ID4: variants seen among roughly 807,000 people sequenced by gnomAD.
The protein encoded by ID4 is inhibitor of DNA binding 4.
ID4 carries 9 observed loss-of-function variants against 8.6 expected under a neutral mutation model. The ratio of observed to expected loss-of-function variants is 1.04; its 90% CI spans 0.63 to 1.82. The LOEUF (loss-of-function observed/expected upper bound fraction) is 1.82. Ranked by LOEUF, ID4 falls within the 40% of genes most tolerant of loss-of-function variation. The pLI is 0.00. For synonymous variants in ID4, 180 were observed against 118.0 expected (o/e 1.53, Z -3.41); for missense variants, 270 against 235.1 (o/e 1.15, Z -0.97).
At chr6:19,838,775 C>T (rs530467152) in intron 2 of ID4, 133 bp downstream of exon 2, 9 of 703,740 alleles carry the variant, frequency 1.3e-5, no homozygotes, top group African/African-American at 1.8e-5. Context: ...AGTAAATCCC[C>T]TCTCTCCCTG....
In ID4 at chr6:19,837,615, C is replaced by T. The variant is rs1188115184; in HGVS notation, c.-140C>T. ...AGCGACCCTCCCGTCAATTGTTGGG[C>T]TCGGGAGTGTCGCGGTGCCCCGAGC... On this transcript the variant is annotated 5_prime_UTR_variant, in exon 1 of 3. Coordinates refer to ENST00000378700, the MANE Select transcript of ID4 (RefSeq NM_001546.4). 4.8e-6 allele frequency: 2 copies of T among 414,022 alleles called. No individual in the cohort carries two copies. Among genetic ancestry groups the T allele is most frequent in the East Asian group, 8.6e-5 (1 of 11,686 alleles). 25.6% of individuals were successfully genotyped at this position (414,022 alleles called of 1,614,324 possible).
chr6:19,840,138 G>A lies in ID4; in HGVS notation c.*943G>A, dbSNP rs577048984. The A allele has an allele frequency of 6.6e-6, 1 of 152,464 alleles. No homozygotes were observed. Among genetic ancestry groups the A allele is most frequent in the Admixed American group, 6.5e-5 (1 of 15,268 alleles). The allele number at this position is 152,464 out of a possible 1,614,324, so 9.4% of individuals were successfully genotyped here. ...ACACCTTATCAGTTTTTAAGTACAG[G>A]GTTTTATAGTGTAATATATACAGAG... On this transcript the variant is annotated 3_prime_UTR_variant, in exon 3 of 3. Transcript: ENST00000378700.
chr6:19,838,867 C>G, intron 2 of ID4: 1 of 560,364 alleles, frequency 1.8e-6, no homozygotes, highest in Non-Finnish European at 3.2e-6. Flanking sequence ...CCCTTGTCCC[C>G]GCCGTCCCCG....
At position 19,838,075 on chromosome 6, in the gene ID4, G is replaced by C. The variant is rs1261183369; in HGVS notation, c.321G>C (p.Ala107=). ...VIDYILDLQL[A]LETHPALLRQ... ...ACTACATCCTGGACCTGCAGCTGGC[G>C]CTGGAGACGCACCCGGCCCTGCTGA... The change falls in exon 1 of 3, where the codon GCG becomes GCC. Residue 107 remains alanine (A), a synonymous_variant. Transcript: ENST00000378700. 1 of 1,605,868 alleles carries C rather than the reference G, an allele frequency of 6.2e-7. No homozygotes were observed. The highest frequency in any genetic ancestry group is 1.7e-5 in the Admixed American group (1 of 59,312).
At chr6:19,838,553 C>G (rs766373017) in intron 1 of ID4, 31 bp from the exon 2 acceptor site, 10 of 1,613,856 alleles carry the variant, frequency 6.2e-6, no homozygotes, top group Non-Finnish European at 8.5e-6. Context: ...CGCCTGCTAA[C>G]CTTTCCCTTG....
chr6:19,838,505 C>T, intron 1 of ID4, 79 bp from the exon 2 acceptor site: 1 of 1,587,652 alleles, frequency 6.3e-7, no homozygotes, highest in Admixed American at 1.7e-5. Flanking sequence ...AGCCTGATTT[C>T]CGAGGACAAT....
chr6:19,838,341 C>T (rs1227040980), intron 1 of ID4, 146 bp downstream of exon 1: 4 of 1,027,304 alleles, frequency 3.9e-6, no homozygotes, highest in East Asian at 3.3e-5. Flanking sequence ...CGGGCTCCCC[C>T]GGGCCGCCAG....
rs542448491 is a variant in ID4 at position 19,840,597 on chromosome 6, A to G, written c.*1402A>G. The G allele has an allele frequency of 6.6e-6, 1 of 152,574 alleles. No homozygotes were observed. The highest frequency in any genetic ancestry group is 1.5e-5 in the Non-Finnish European group (1 of 68,002). The allele number at this position is 152,574 out of a possible 1,614,324, so 9.5% of individuals were successfully genotyped here. ...TTTTTTTATAAAAATGATTTTCACTATAGCTATGTTACGCTAAGCTACTGT... is the reference window on the plus strand; with the variant it reads ...TTTTTTTATAAAAATGATTTTCACTGTAGCTATGTTACGCTAAGCTACTGT... On this transcript the variant is annotated 3_prime_UTR_variant, in exon 3 of 3. Transcript: ENST00000378700.
Position 19,838,188 on chromosome 6 carries a change from C to G in ID4, c.434C>G (p.Thr145Ser), listed in dbSNP as rs1172270187. 2.1e-6 allele frequency: 3 copies of G among 1,411,390 alleles called. No homozygotes were observed. Among genetic ancestry groups the G allele is most frequent in the East Asian group, 3.0e-5 (1 of 32,848 alleles). 87.4% of individuals were successfully genotyped at this position (1,411,390 alleles called of 1,614,324 possible). A position where few individuals can be genotyped will look rare whatever the true frequency, so the allele number is the denominator to read the frequency against. Residue 145 changes from threonine (T) to serine (S), a missense_variant, in exon 1 of 3, where the codon ACC becomes AGC. Coordinates refer to ENST00000378700, the MANE Select transcript of ID4 (RefSeq NM_001546.4). Reference protein sequence around the residue: ...PPRTPLTALNTDPAGAVNKQG... With the variant: ...PPRTPLTALNSDPAGAVNKQG... ...CGGACCCCGCTCACTGCGCTCAACACCGACCCGGTGAGAGGCCGGGCGCCG... is the reference window on the plus strand; with the variant it reads ...CGGACCCCGCTCACTGCGCTCAACAGCGACCCGGTGAGAGGCCGGGCGCCG...
chr6:19,839,805 A>C lies in ID4; in HGVS notation c.*610A>C, dbSNP rs889886105. On this transcript the variant is annotated 3_prime_UTR_variant, in exon 3 of 3. Transcript: ENST00000378700. ...ATACTGTAATTATAAGATATTTTTA[A>C]TTAAATATTTTTTTGTAAATATTAT... 1.3e-5 allele frequency: 2 copies of C among 152,172 alleles called. No homozygotes were observed. Among genetic ancestry groups the C allele is most frequent in the African/African-American group, 4.8e-5 (2 of 41,434 alleles). 9.4% of individuals were successfully genotyped at this position (152,172 alleles called of 1,614,324 possible).
chr6:19,840,468 G>C lies in ID4; in HGVS notation c.*1273G>C, dbSNP rs1398481534. 3 of 147,714 alleles carry C rather than the reference G, an allele frequency of 2.0e-5. No homozygotes were observed. Among genetic ancestry groups the C allele is most frequent in the African/African-American group, 7.4e-5 (3 of 40,682 alleles). The allele number at this position is 147,714 out of a possible 1,614,324, so 9.2% of individuals were successfully genotyped here. A position where few individuals can be genotyped will look rare whatever the true frequency, so the allele number is the denominator to read the frequency against. ...CCAAAGAATTAATAGGCAACAGTGG[G>C]AGAAAAAAAAGGCATAATGGCAAAT... is the stretch of plus-strand genomic sequence containing the variant. On this transcript the variant is annotated 3_prime_UTR_variant, in exon 3 of 3. Transcript: ENST00000378700.
intron 1 of ID4, among the ~76,000 whole-genome samples, 184 bp from the exon 2 acceptor site, chr6:19,838,400 G>A (rs1761276589): frequency 6.6e-6 from 1 of 152,158 alleles, no homozygotes; most frequent in African/African-American, 2.4e-5. Context: ...GCGCAGGGCG[G>A]GACTCGGGGC....
At position 19,839,900 on chromosome 6, in the gene ID4, T is replaced by A. The variant is rs575438417; in HGVS notation, c.*705T>A. The stretch of plus-strand genomic sequence containing the variant: ...TCATTTTTCAGCTCAATTACAGAGC[T>A]CTTGATATCTTGAATGTCTTTTCTG... On this transcript the variant is annotated 3_prime_UTR_variant, in exon 3 of 3. Transcript: ENST00000378700. The A allele has an allele frequency of 3.3e-5, 5 of 152,302 alleles. No homozygotes were observed. The highest frequency in any genetic ancestry group is 1.2e-4 in the African/African-American group (5 of 41,554). The allele number at this position is 152,302 out of a possible 1,614,324, so 9.4% of individuals were successfully genotyped here. A position where few individuals can be genotyped will look rare whatever the true frequency, so the allele number is the denominator to read the frequency against.
rs759749643 is a variant in ID4 at position 19,838,586 on chromosome 6, C to T, written c.444C>T (p.Ala148=). 5.4e-5 allele frequency: 87 copies of T among 1,613,988 alleles called. No individual in the cohort carries two copies. Among genetic ancestry groups the T allele is most frequent in the Admixed American group, 1.5e-4 (9 of 60,028 alleles). The part of the protein sequence containing the change: ...TPLTALNTDP[A]GAVNKQGDSI... ...TTGGTGTTCGGTTGCTGTTCCAGGC[C>T]GGCGCGGTGAACAAGCAGGGCGACA... Residue 148 remains alanine (A), a splice_region_variant and synonymous_variant, in exon 2 of 3, where the codon GCC becomes GCT. Transcript: ENST00000378700.
rs964679920 is a variant in ID4 at position 19,838,797 on chromosome 6, G to A, written c.*14+155G>A. 3 of 635,532 alleles carry A rather than the reference G, an allele frequency of 4.7e-6. No individual in the cohort carries two copies. In the East Asian group the frequency reaches 8.4e-5, roughly 18 times the overall value. 39.4% of individuals were successfully genotyped at this position (635,532 alleles called of 1,614,324 possible). A position where few individuals can be genotyped will look rare whatever the true frequency, so the allele number is the denominator to read the frequency against. ...CCCCTCTCTCCCTGCCACCTAAGTAGCAAGTAAACCCGTACTTAGCCTTAG... is the reference window on the plus strand; with the variant it reads ...CCCCTCTCTCCCTGCCACCTAAGTAACAAGTAAACCCGTACTTAGCCTTAG... On this transcript the variant is annotated intron_variant, in intron 2 of 2. Transcript: ENST00000378700.
chr6:19,840,585 A>G lies in ID4; in HGVS notation c.*1390A>G, dbSNP rs912621683. On this transcript the variant is annotated 3_prime_UTR_variant, in exon 3 of 3. Transcript: ENST00000378700. ...GCATCTAGATTATTTTTTTATAAAA[A>G]TGATTTTCACTATAGCTATGTTACG... The G allele has an allele frequency of 5.2e-5, 8 of 152,612 alleles. No homozygotes were observed. Among genetic ancestry groups the G allele is most frequent in the Non-Finnish European group, 1.0e-4 (7 of 68,002 alleles). 9.5% of individuals were successfully genotyped at this position (152,612 alleles called of 1,614,324 possible).
Position 19,840,831 on chromosome 6 carries a change from TAC to T in ID4, c.*1642_*1643del, listed in dbSNP as rs1761347036. 6.6e-6 allele frequency: 1 copy of T among 152,206 alleles called. No individual in the cohort carries two copies. Among genetic ancestry groups the T allele is most frequent in the African/African-American group, 2.4e-5 (1 of 41,466 alleles). 9.4% of individuals were successfully genotyped at this position (152,206 alleles called of 1,614,324 possible). On this transcript the variant is annotated 3_prime_UTR_variant, in exon 3 of 3. Transcript: ENST00000378700. ...TATGCATTTAATGTTATGGGTACTT[TAC>T]ACACAAGTTAGATGGAATTTTTAGA...
Position 19,841,505 on chromosome 6 carries a change from TACTGGTGG to T in ID4, c.*2315_*2322del, listed in dbSNP as rs200518527. On this transcript the variant is annotated 3_prime_UTR_variant, in exon 3 of 3. Transcript: ENST00000378700. ...GCCTTTTGGCGCAGTTTAAAACTTA[TACTGGTGG>T]ACTGTGAACCTCAAAACAAATGGGT... Among the ~76,000 whole-genome samples the T allele has an allele frequency of 0.011, 1,748 of 152,328 alleles. 21 individuals carry two copies. Among genetic ancestry groups the T allele is most frequent in the Middle Eastern group, 0.031 (9 of 294 alleles).
At chr6:19,838,482 G>T (rs900475438) in intron 1 of ID4, 102 bp from the exon 2 acceptor site, 1 of 1,482,784 alleles carries the variant, frequency 6.7e-7, no homozygotes. Flanking sequence ...TGGGGTGGGG[G>T]CGTCGGCGCG....
Sources: allele counts gnomAD v4.1 joint callset (sites outside exome capture counted in the v4.1 genomes callset), GRCh38; gene constraint gnomAD v4.1.1; transcripts MANE v1.5; gene names NCBI Gene and HGNC (gene_info 2026-07-23, HGNC 2026-07-21).